The following CBX1 variants were observed in gnomAD, a reference collection of about 807,000 sequenced individuals.
The protein encoded by CBX1 is chromobox protein homolog 1.
A neutral mutation model predicts 25.1 loss-of-function variants in CBX1; 10 were observed. The observed-to-expected ratio is 0.40, with a 90% CI of 0.25 to 0.68. The LOEUF (loss-of-function observed/expected upper bound fraction) is 0.68, where lower values mean the gene tolerates loss of function less well. Among genes scored for constraint, CBX1 ranks in the 30% least tolerant of loss-of-function variants. The pLI is 0.40. For missense variants in CBX1, 106 were observed against 218.5 expected (o/e 0.49, Z 3.25); for synonymous variants, 63 against 79.4 (o/e 0.79, Z 1.10).
intron 1 of CBX1, chr17:48,096,534 G>GA (rs1416182455): frequency 4.8e-6 from 1 of 208,200 alleles, no homozygotes; most frequent in African/African-American, 2.4e-5. Context: ...CACTTTGAGA[G>GA]GCTGAGGTGG....
intron 1 of CBX1, among the ~76,000 whole-genome samples, chr17:48,087,516 G>A (rs1390656600): frequency 3.9e-5 from 6 of 151,980 alleles, no homozygotes; most frequent in African/African-American, 1.2e-4. Flanking sequence ...GGAGGTTGCA[G>A]TAAGCCAAGA....
At chr17:48,087,174 G>GT (rs1315434010) in intron 1 of CBX1, among the ~76,000 whole-genome samples, 2 of 139,266 alleles carry the variant, frequency 1.4e-5, no homozygotes, top group African/African-American at 5.4e-5. Context: ...GGGCAACAGA[G>GT]TAAGACGCCA....
intron 1 of CBX1, chr17:48,101,040 G>C (rs2063407138): frequency 1.0e-6 from 1 of 985,768 alleles, no homozygotes; most frequent in Middle Eastern, 5.2e-4. Flanking sequence ...CTCAGTCTCT[G>C]GCTCAGGATT....
chr17:48,095,284 T>G (rs909900303), intron 1 of CBX1, among the ~76,000 whole-genome samples: 1 of 152,112 alleles, frequency 6.6e-6, no homozygotes, highest in African/African-American at 2.4e-5. Context: ...GAACCCTATA[T>G]GGACAATAAA....
At chr17:48,096,784 A>G (rs1054566121) in intron 1 of CBX1, among the ~76,000 whole-genome samples, 1 of 151,708 alleles carries the variant, frequency 6.6e-6, no homozygotes, top group Non-Finnish European at 1.5e-5. Context: ...CTAAAAAAAG[A>G]AAAGAAAAAC....
intron 1 of CBX1, among the ~76,000 whole-genome samples, chr17:48,094,150 T>C (rs1389664392): frequency 1.5e-5 from 2 of 132,446 alleles, no homozygotes; most frequent in Non-Finnish European, 3.2e-5. Context: ...AAGTGTGGGC[T>C]TGGTAGGGCG....
intron 1 of CBX1, among the ~76,000 whole-genome samples, chr17:48,079,152 C>A (rs1346861015): frequency 6.6e-6 from 1 of 151,280 alleles, no homozygotes; most frequent in Non-Finnish European, 1.5e-5. Flanking sequence ...TCCAGCCGGG[C>A]TGGAGTGCAG....
At chr17:48,095,655 A>G (rs914080553) in intron 1 of CBX1, 2 of 152,368 alleles carry the variant, frequency 1.3e-5, no homozygotes, top group South Asian at 2.1e-4. Context: ...CTGATCCATA[A>G]GCCCTAAAGA....
intron 1 of CBX1, among the ~76,000 whole-genome samples, chr17:48,085,278 C>T (rs183137064): frequency 1.3e-5 from 2 of 152,184 alleles, no homozygotes; most frequent in Middle Eastern, 3.2e-3. Context: ...CTCTGCCTCA[C>T]AAATAGACCA....
chr17:48,081,190 G>C (rs918801214), intron 1 of CBX1, among the ~76,000 whole-genome samples: 34 of 151,312 alleles, frequency 2.2e-4, no homozygotes, highest in African/African-American at 7.5e-4. Context: ...AAAGTGCTGG[G>C]ATTACTGGCA....
At chr17:48,095,337 C>T (rs781183095) in intron 1 of CBX1, among the ~76,000 whole-genome samples, 4 of 152,172 alleles carry the variant, frequency 2.6e-5, no homozygotes, top group Non-Finnish European at 4.4e-5. Flanking sequence ...CGCCTGTAAT[C>T]CCAGCACTTT....
At chr17:48,088,685 T>C (rs1212585205) in intron 1 of CBX1, 1 of 151,978 alleles carries the variant, frequency 6.6e-6, no homozygotes, top group Non-Finnish European at 1.5e-5. Context: ...CTTAAAAATA[T>C]GGACTGCTTC....
intron 1 of CBX1, among the ~76,000 whole-genome samples, chr17:48,078,583 G>A (rs1031977234): frequency 1.3e-5 from 2 of 151,794 alleles, no homozygotes; most frequent in Non-Finnish European, 2.9e-5. Context: ...TCTGCCTCCC[G>A]GGTTCAAGCG....
chr17:48,100,745 A>G lies in CBX1; in HGVS notation c.-38+523T>C, dbSNP rs551057528. On this transcript the variant is annotated intron_variant, in intron 1 of 4. Transcript: ENST00000225603. ...TTTATTCCACACATCTCCTCCTCCA[A>G]TCAGCACACCTTGTGCGGCCCTGGG... is the stretch of plus-strand genomic sequence containing the variant. 46 of 985,112 alleles carry G rather than the reference A, an allele frequency of 4.7e-5. No individual in the cohort carries two copies. The Admixed American group carries it at 6.8e-4, about 15-fold the overall frequency. 61.0% of individuals were successfully genotyped at this position (985,112 alleles called of 1,614,324 possible).
At position 48,073,846 on chromosome 17, in the gene CBX1, G is replaced by A. The variant is rs1358255588; in HGVS notation, c.413+1160C>T. Among the ~76,000 whole-genome samples the A allele has an allele frequency of 3.8e-3, 317 of 84,140 alleles. 1 individual carries two copies. The highest frequency in any genetic ancestry group is 8.8e-3 in the African/African-American group (146 of 16,544). 55.2% of individuals were successfully genotyped at this position (84,140 alleles called of 152,430 possible). A position where few individuals can be genotyped will look rare whatever the true frequency, so the allele number is the denominator to read the frequency against. ...TCTCAAAAAAAAAAAAAAAAAAAAA[G>A]ACAGTAGTGAGTCAACCAAAGGAGT... On this transcript the variant is annotated intron_variant, in intron 4 of 4. Transcript: ENST00000225603.
rs976631565 is a variant in CBX1, at chr17:48,074,896, C to A, written c.413+110G>T. 8.5e-6 allele frequency: 7 copies of A among 819,246 alleles called. No homozygotes were observed. In the African/African-American group the frequency reaches 1.2e-4, roughly 14 times the overall value. 50.7% of individuals were successfully genotyped at this position (819,246 alleles called of 1,614,324 possible). A position where few individuals can be genotyped will look rare whatever the true frequency, so the allele number is the denominator to read the frequency against. On this transcript the variant is annotated intron_variant, in intron 4 of 4. Coordinates refer to ENST00000225603, the MANE Select transcript of CBX1 (RefSeq NM_001127228.2). The stretch of plus-strand genomic sequence containing the variant: ...CTATCGAAGGACTATGCCATCTTAA[C>A]AATTTCACACTTGGGTGATTGGAAT...
intron 1 of CBX1, among the ~76,000 whole-genome samples, chr17:48,086,831 C>T (rs2144452171): frequency 6.6e-6 from 1 of 151,942 alleles, no homozygotes; most frequent in South Asian, 2.1e-4. Context: ...CACTGCACTC[C>T]AGCCTGGGCT....
Position 48,101,442 on chromosome 17 carries a change from C to A in CBX1, c.-212G>T. 3 of 985,650 alleles carry A rather than the reference C, an allele frequency of 3.0e-6. No individual in the cohort carries two copies. The highest frequency in any genetic ancestry group is 3.6e-6 in the Non-Finnish European group (3 of 830,104). The allele number at this position is 985,650 out of a possible 1,614,324, so 61.1% of individuals were successfully genotyped here. ...GCCAACGGCCCTCCCCTCAGCCGAA[C>A]AAAAGAGCCTCGCAGTCTGCGCTGC... On this transcript the variant is annotated 5_prime_UTR_variant, in exon 1 of 5. Coordinates refer to ENST00000225603, the MANE Select transcript of CBX1 (RefSeq NM_001127228.2).
intron 4 of CBX1, among the ~76,000 whole-genome samples, chr17:48,073,216 C>A (rs2037642385): frequency 6.6e-6 from 1 of 152,054 alleles, no homozygotes; most frequent in Admixed American, 6.6e-5. Flanking sequence ...CTGATGACAT[C>A]TCTGACAAAG....
Sources: allele counts gnomAD v4.1 joint callset (sites outside exome capture counted in the v4.1 genomes callset), GRCh38; gene constraint gnomAD v4.1.1; transcripts MANE v1.5; gene names NCBI Gene and HGNC (gene_info 2026-07-23, HGNC 2026-07-21).